The following DLC1 variants were observed in gnomAD, a reference collection of about 807,000 sequenced individuals.
The protein encoded by DLC1 is DLC1 Rho GTPase activating protein.
A neutral mutation model predicts 140.3 loss-of-function variants in DLC1; 54 were observed. The observed-to-expected ratio is 0.38, with a 90% CI of 0.31 to 0.48. The LOEUF (loss-of-function observed/expected upper bound fraction) is 0.48, where lower values mean the gene tolerates loss of function less well. Ranked by LOEUF, DLC1 falls within the 20% of genes least tolerant of loss-of-function variation. DLC1 has a pLI of 0.96. For missense variants in DLC1, 2,536 were observed against 1,907.0 expected, an observed-to-expected ratio of 1.33 and a Z score of -6.14; for synonymous variants, 986 against 728.1, an observed-to-expected ratio of 1.35 and a Z score of -5.70.
rs1196519313 is a variant in DLC1, at chr8:13,255,749, A to G, written c.1348+49520T>C. 3.3e-5 allele frequency among the ~76,000 whole-genome samples: 5 copies of G among 152,156 alleles called. No individual in the cohort carries two copies. The East Asian group carries it at 7.7e-4, about 23-fold the overall frequency. ...CTCTGTCATGATCACTTTCCGTCCA[A>G]TACCAGTATAGCTTCTTTGTAATGC... On this transcript the variant is annotated intron_variant, in intron 5 of 17. Transcript: ENST00000276297.
Position 13,499,575 on chromosome 8 carries a change from A to G in DLC1, c.497T>C (p.Ile166Thr). 3.7e-6 allele frequency: 6 copies of G among 1,614,150 alleles called. No individual in the cohort carries two copies. The highest frequency in any genetic ancestry group is 5.1e-6 in the Non-Finnish European group (6 of 1,180,008). Residue 166 changes from isoleucine (I) to threonine (T), a missense_variant, in exon 2 of 18, where the codon ATA becomes ACA. By Grantham distance (89) the Ile-to-Thr change is moderately conservative. Coordinates refer to ENST00000276297, the MANE Select transcript of DLC1 (RefSeq NM_182643.3). ...CAGTGCTAATTCAGTTTCACCAGCT[A>G]TTCCCCAGGAGTTAGAAGAAACTTG... ...SNQVSSNSWG[I>T]AGETELALVK...
At chr8:13,389,126 C>A (rs1455379713) in intron 4 of DLC1, among the ~76,000 whole-genome samples, 1 of 151,978 alleles carries the variant, frequency 6.6e-6, no homozygotes, top group African/African-American at 2.4e-5. Context: ...ACTTATTTTA[C>A]AAATAGGAAA....
At chr8:13,091,186 T>C in intron 14 of DLC1, 132 bp downstream of exon 14, 1 of 693,524 alleles carries the variant, frequency 1.4e-6, no homozygotes, top group Non-Finnish European at 2.4e-6. Flanking sequence ...AAATAAGACA[T>C]TCTCAGGCTA....
chr8:13,564,577 A>G (rs570730904), intron 1 of DLC1, among the ~76,000 whole-genome samples: 91 of 152,306 alleles, frequency 6.0e-4, no homozygotes, highest in Non-Finnish European at 1.0e-3. Flanking sequence ...CCAACTCATC[A>G]TGGAAACGTT....
chr8:13,479,024 CA>C (rs2117106380), intron 2 of DLC1, among the ~76,000 whole-genome samples: 1 of 152,310 alleles, frequency 6.6e-6, no homozygotes, highest in African/African-American at 2.4e-5. Context: ...CTTTTTCACC[CA>C]GCTTCTAGGA....
chr8:13,096,113 C>G (rs545299881), intron 10 of DLC1: 1 of 152,170 alleles, frequency 6.6e-6, no homozygotes, highest in Non-Finnish European at 1.5e-5. Context: ...GAACAGGACC[C>G]GAAAGGGCAA....
chr8:13,090,159 C>T, intron 15 of DLC1, 93 bp downstream of exon 15: 1 of 1,242,050 alleles, frequency 8.1e-7, no homozygotes. Flanking sequence ...CTACAGATCC[C>T]CAGACAGATT....
chr8:13,286,535 C>A (rs528956756), intron 5 of DLC1, among the ~76,000 whole-genome samples: 1 of 151,866 alleles, frequency 6.6e-6, no homozygotes, highest in African/African-American at 2.4e-5. Context: ...TCTATTGTAT[C>A]ACATTATTAT....
Position 13,233,774 on chromosome 8 carries a change from A to T in DLC1, c.1348+71495T>A, listed in dbSNP as rs561477818. ...TGTTTTGATATTTGGATATGCCTAA[A>T]TTACTCTTTTTCATCAGCTGTTTGG... On this transcript the variant is annotated intron_variant, in intron 5 of 17. Transcript: ENST00000276297. Among the ~76,000 whole-genome samples, 4 of 152,294 alleles carry T rather than the reference A, an allele frequency of 2.6e-5. 1 individual carries two copies. The highest frequency in any genetic ancestry group is 9.6e-5 in the African/African-American group (4 of 41,566).
intron 4 of DLC1, among the ~76,000 whole-genome samples, chr8:13,306,236 A>G (rs771251397): frequency 4.6e-5 from 7 of 152,156 alleles, no homozygotes; most frequent in Non-Finnish European, 1.0e-4. Flanking sequence ...AGCATTTATC[A>G]CTGTTATGAT....
chr8:13,221,597 C>A (rs1301177938), intron 5 of DLC1, among the ~76,000 whole-genome samples: 1 of 150,574 alleles, frequency 6.6e-6, no homozygotes, highest in African/African-American at 2.4e-5. Flanking sequence ...TCTTGAACCC[C>A]TGACCTCAAG....
intron 5 of DLC1, among the ~76,000 whole-genome samples, chr8:13,169,497 A>G (rs1334414339): frequency 6.6e-6 from 1 of 152,220 alleles, no homozygotes; most frequent in Non-Finnish European, 1.5e-5. Context: ...GAAATTCACT[A>G]AAGAACAGCT....
rs185371956 is a variant in DLC1, at chr8:13,242,520, C to T, written c.1348+62749G>A. Among the ~76,000 whole-genome samples, 297 of 152,100 alleles carry T rather than the reference C, an allele frequency of 2.0e-3. 2 individuals carry two copies. The highest frequency in any genetic ancestry group is 5.0e-3 in the South Asian group (24 of 4,808). On this transcript the variant is annotated intron_variant, in intron 5 of 17. Coordinates refer to ENST00000276297, the MANE Select transcript of DLC1 (RefSeq NM_182643.3). ...AATGGATCCTCCCGCCTCAGTTTCCCAAGTAGTTGGGACTACAAGTGCATG... is the reference window on the plus strand; with the variant it reads ...AATGGATCCTCCCGCCTCAGTTTCCTAAGTAGTTGGGACTACAAGTGCATG...
At chr8:13,557,642 G>A (rs2117373182) in intron 1 of DLC1, 1 of 152,356 alleles carries the variant, frequency 6.6e-6, no homozygotes, top group South Asian at 2.1e-4. Flanking sequence ...ACTTCCTCCT[G>A]TCACCTTGTG....
At chr8:13,246,645 A>G (rs1176052772) in intron 5 of DLC1, among the ~76,000 whole-genome samples, 1 of 152,196 alleles carries the variant, frequency 6.6e-6, no homozygotes, top group Non-Finnish European at 1.5e-5. Flanking sequence ...ACAAAGGTAT[A>G]GTACGACAAA....
intron 5 of DLC1, among the ~76,000 whole-genome samples, chr8:13,222,093 A>G (rs1828585371): frequency 6.6e-6 from 1 of 151,412 alleles, no homozygotes; most frequent in African/African-American, 2.4e-5. Context: ...TATTATTTTC[A>G]TCAATTCATG....
intron 5 of DLC1, among the ~76,000 whole-genome samples, chr8:13,245,335 A>G (rs1829720094): frequency 6.6e-6 from 1 of 152,192 alleles, no homozygotes; most frequent in South Asian, 2.1e-4. Flanking sequence ...TCTCCTGGCC[A>G]ATATCCCGGA....
At chr8:13,229,267 A>G (rs112957301) in intron 5 of DLC1, among the ~76,000 whole-genome samples, 60 of 152,324 alleles carry the variant, frequency 3.9e-4, no homozygotes, top group African/African-American at 1.3e-3. Flanking sequence ...AAAGAAATAC[A>G]ATATTGATCC....
chr8:13,115,771 A>C (rs996508310), intron 5 of DLC1, 114 bp from the exon 6 acceptor site: 7 of 953,006 alleles, frequency 7.3e-6, no homozygotes, highest in Non-Finnish European at 1.1e-5. Flanking sequence ...CATAGAAAAT[A>C]CAGATAAGCA....
Sources: allele counts gnomAD v4.1 joint callset (sites outside exome capture counted in the v4.1 genomes callset), GRCh38; gene constraint gnomAD v4.1.1; transcripts MANE v1.5; gene names NCBI Gene and HGNC (gene_info 2026-07-23, HGNC 2026-07-21).